DNAJC1: variants seen among roughly 807,000 people sequenced by gnomAD.
DNAJC1 encodes the protein dnaJ homolog subfamily C member 1.
In DNAJC1, 58 loss-of-function variants were observed where a neutral mutation model predicts 76.6. That is an observed-to-expected ratio of 0.76 (90% CI 0.61 to 0.94). The LOEUF is 0.94. DNAJC1 is among the 40% of genes least tolerant of loss of function. DNAJC1 has a pLI of 0.00. For missense variants in DNAJC1, 689 were observed against 677.3 expected, an observed-to-expected ratio of 1.02 and a Z score of -0.19; for synonymous variants, 258 against 267.9, an observed-to-expected ratio of 0.96 and a Z score of 0.36.
chr10:21,970,751 T>G (rs1417071976), intron 1 of DNAJC1, among the ~76,000 whole-genome samples: 2 of 152,028 alleles, frequency 1.3e-5, no homozygotes, highest in Non-Finnish European at 2.9e-5. Flanking sequence ...TTCTCAGGCA[T>G]AGTTAGTATG....
rs74229970 is a variant in DNAJC1 at position 21,985,105 on chromosome 10, A to G, written c.222+18108T>C. Among the ~76,000 whole-genome samples the G allele has an allele frequency of 4.6e-5, 7 of 152,170 alleles. No homozygotes were observed. In the East Asian group the frequency reaches 9.6e-4, roughly 21 times the overall value. On this transcript the variant is annotated intron_variant, in intron 1 of 11. Coordinates refer to ENST00000376980, the MANE Select transcript of DNAJC1 (RefSeq NM_022365.4). ...TTACATAACATAAAATCCACCCATT[A>G]TAAGAGTATAATTCATTTTAATAAA...
intron 1 of DNAJC1, among the ~76,000 whole-genome samples, chr10:21,998,406 A>AAG (rs1564849257): frequency 6.6e-6 from 1 of 151,520 alleles, no homozygotes; most frequent in African/African-American, 2.4e-5. Flanking sequence ...AAAAAAAAAA[A>AAG]AAAGAAATAC....
intron 1 of DNAJC1, among the ~76,000 whole-genome samples, chr10:21,995,101 A>G (rs566818559): frequency 4.9e-4 from 75 of 152,082 alleles, no homozygotes; most frequent in Non-Finnish European, 8.8e-4. Flanking sequence ...TTTGCAATTA[A>G]AAAAAATTTT....
At chr10:21,881,996 C>T (rs1590030490) in intron 8 of DNAJC1, among the ~76,000 whole-genome samples, 1 of 151,468 alleles carries the variant, frequency 6.6e-6, no homozygotes, top group Non-Finnish European at 1.5e-5. Context: ...CTACTAAAAA[C>T]ACAAAAAATT....
intron 10 of DNAJC1, among the ~76,000 whole-genome samples, chr10:21,765,056 C>A (rs1834282565): frequency 6.6e-6 from 1 of 152,188 alleles, no homozygotes; most frequent in African/African-American, 2.4e-5. Flanking sequence ...GCTGCCTTTT[C>A]AATGGTATGA....
intron 6 of DNAJC1, 70 bp downstream of exon 6, chr10:21,918,709 T>A: frequency 8.6e-7 from 1 of 1,167,960 alleles, no homozygotes; most frequent in Admixed American, 1.8e-5. Context: ...AGAGCCGACA[T>A]GGGCATAAAT....
chr10:21,818,784 T>G (rs558422148), intron 8 of DNAJC1, among the ~76,000 whole-genome samples: 37 of 152,322 alleles, frequency 2.4e-4, no homozygotes, highest in Admixed American at 1.4e-3. Flanking sequence ...AGATTCAAAA[T>G]GATTTATTTT....
intron 1 of DNAJC1, among the ~76,000 whole-genome samples, chr10:21,961,544 G>A (rs1417794049): frequency 6.6e-6 from 1 of 152,132 alleles, no homozygotes; most frequent in East Asian, 1.9e-4. Context: ...GAGACAGAAA[G>A]TGGATTGGAG....
chr10:21,780,658 C>A (rs1383198066), intron 9 of DNAJC1, among the ~76,000 whole-genome samples: 7 of 152,174 alleles, frequency 4.6e-5, no homozygotes, highest in Admixed American at 4.6e-4. Context: ...ACTGTAAAGA[C>A]CATTGATGCT....
intron 1 of DNAJC1, among the ~76,000 whole-genome samples, chr10:21,983,010 A>C (rs528140257): frequency 6.6e-6 from 1 of 152,262 alleles, no homozygotes; most frequent in South Asian, 2.1e-4. Flanking sequence ...AGTTATGATC[A>C]TGCCACTCAA....
chr10:21,939,083 G>A (rs1278479971), intron 1 of DNAJC1, among the ~76,000 whole-genome samples: 2 of 152,110 alleles, frequency 1.3e-5, no homozygotes, highest in Non-Finnish European at 2.9e-5. Context: ...TAGAGACGGG[G>A]TTTCACCATG....
At chr10:21,906,000 T>A (rs1836739048) in intron 6 of DNAJC1, among the ~76,000 whole-genome samples, 1 of 152,160 alleles carries the variant, frequency 6.6e-6, no homozygotes, top group African/African-American at 2.4e-5. Context: ...CTAGAAACTC[T>A]TTTCGTCTAC....
chr10:21,822,444 A>C (rs188480618), intron 8 of DNAJC1, among the ~76,000 whole-genome samples: 1,486 of 6,118 alleles, frequency 0.24, 23 homozygotes, highest in African/African-American at 0.47. Flanking sequence ...GACTCAAATA[A>C]ATAAATAAAT....
At chr10:21,904,467 A>G in intron 7 of DNAJC1, 55 bp downstream of exon 7, 1 of 1,164,740 alleles carries the variant, frequency 8.6e-7, no homozygotes, top group Non-Finnish European at 1.2e-6. Context: ...GATAATTCAC[A>G]TTTAAATAAT....
chr10:21,766,372 CGATTCCATGTAAGCTCCATGT>C lies in DNAJC1; in HGVS notation c.1099-84_1099-64del, dbSNP rs1289796427. On this transcript the variant is annotated intron_variant, in intron 9 of 11. Transcript: ENST00000376980. ...TGTACCTACTATATGCTGAGTGAAA[CGATTCCATGTAAGCTCCATGT>C]GAATGAACACAGTTCATTGGATCTT... is the stretch of plus-strand genomic sequence containing the variant. The C allele has an allele frequency of 4.1e-6, 5 of 1,231,134 alleles. No individual in the cohort carries two copies. In the African/African-American group the frequency reaches 7.4e-5, roughly 18 times the overall value. The allele number at this position is 1,231,134 out of a possible 1,614,324, so 76.3% of individuals were successfully genotyped here.
chr10:21,831,305 C>G (rs2131668301), intron 8 of DNAJC1, among the ~76,000 whole-genome samples: 1 of 152,282 alleles, frequency 6.6e-6, no homozygotes. Flanking sequence ...TTCCAGCTGC[C>G]TCTGGACTCA....
chr10:21,936,277 T>A (rs893973762), intron 1 of DNAJC1, among the ~76,000 whole-genome samples: 2 of 152,336 alleles, frequency 1.3e-5, no homozygotes, highest in Non-Finnish European at 2.9e-5. Flanking sequence ...ACCTTGATCT[T>A]GGACTTCCCA....
rs187596658 is a variant in DNAJC1 at position 21,810,961 on chromosome 10, A to C, written c.979-4862T>G. Among the ~76,000 whole-genome samples the C allele has an allele frequency of 4.6e-5, 7 of 152,312 alleles. No homozygotes were observed. In the East Asian group the frequency reaches 1.2e-3, roughly 25 times the overall value. Reference sequence around the variant, plus strand: ...ACTCTTGACTGCAGTTTGCCTCCAAAGGGACCCAATACAGTTTTACCCAGC... The same window carrying C: ...ACTCTTGACTGCAGTTTGCCTCCAACGGGACCCAATACAGTTTTACCCAGC... On this transcript the variant is annotated intron_variant, in intron 8 of 11. Coordinates refer to ENST00000376980, the MANE Select transcript of DNAJC1 (RefSeq NM_022365.4).
intron 8 of DNAJC1, among the ~76,000 whole-genome samples, chr10:21,832,193 C>T (rs754194721): frequency 6.6e-6 from 1 of 152,170 alleles, no homozygotes; most frequent in Non-Finnish European, 1.5e-5. Context: ...TTATCTCCTG[C>T]AACATTCCAC....
Sources: gnomAD v4.1 joint callset for allele counts (sites outside exome capture counted in the v4.1 genomes callset) on GRCh38, gnomAD v4.1.1 for gene constraint, MANE v1.5 for transcripts, NCBI Gene and HGNC (gene_info 2026-07-23, HGNC 2026-07-21) for gene names.